The following CAP2 variants were observed in gnomAD, a reference collection of about 807,000 sequenced individuals.
CAP2 encodes the protein adenylyl cyclase-associated protein 2.
In CAP2, 24 loss-of-function variants were observed where a neutral mutation model predicts 57.7. The observed-to-expected ratio is 0.42, with a 90% CI of 0.30 to 0.58. The LOEUF is 0.58. Among genes scored for constraint, CAP2 ranks in the 20% least tolerant of loss-of-function variants. The pLI is 0.22. For synonymous variants in CAP2, 194 were observed against 207.2 expected, an observed-to-expected ratio of 0.94 and a Z score of 0.55; for missense variants, 501 against 590.3, an observed-to-expected ratio of 0.85 and a Z score of 1.57.
chr6:17,451,738 G>A (rs1259842113), intron 3 of CAP2, among the ~76,000 whole-genome samples: 1 of 152,088 alleles, frequency 6.6e-6, no homozygotes, highest in Non-Finnish European at 1.5e-5. Flanking sequence ...TCAAACTCCT[G>A]ACCGCAGGTG....
chr6:17,512,636 C>T (rs184955981), intron 6 of CAP2, among the ~76,000 whole-genome samples: 2 of 152,114 alleles, frequency 1.3e-5, no homozygotes, highest in Non-Finnish European at 2.9e-5. Flanking sequence ...CAAGAGAGAC[C>T]GTTGGAGCTA....
intron 12 of CAP2, 81 bp downstream of exon 12, chr6:17,551,685 C>T: frequency 2.8e-6 from 3 of 1,078,792 alleles, no homozygotes; most frequent in Non-Finnish European, 4.0e-6. Flanking sequence ...TAATCAGCTA[C>T]CAACCTGCGA....
At position 17,413,568 on chromosome 6, in the gene CAP2, CTGAT is replaced by C. The variant is rs759854750; in HGVS notation, c.-1-7983_-1-7980del. Among the ~76,000 whole-genome samples the C allele has an allele frequency of 5.9e-5, 9 of 152,206 alleles. No homozygotes were observed. In the East Asian group the frequency reaches 1.2e-3, roughly 20 times the overall value. On this transcript the variant is annotated intron_variant, in intron 1 of 12. Transcript: ENST00000229922. Reference sequence around the variant, plus strand: ...GTGCCTAGTAGACAGTGGGAACTGACTGATTGAGTGAATGAAACAAACATATTCA... The same window carrying C: ...GTGCCTAGTAGACAGTGGGAACTGACTGAGTGAATGAAACAAACATATTCA...
intron 4 of CAP2, among the ~76,000 whole-genome samples, chr6:17,506,656 C>G (rs565845876): frequency 6.6e-6 from 1 of 150,678 alleles, no homozygotes; most frequent in Non-Finnish European, 1.5e-5. Context: ...AAAAGGGTTG[C>G]GGGGGAGGCC....
At chr6:17,408,818 C>T (rs146120178) in intron 1 of CAP2, among the ~76,000 whole-genome samples, 2 of 151,396 alleles carry the variant, frequency 1.3e-5, no homozygotes, top group South Asian at 2.1e-4. Context: ...TGCAGGCGCC[C>T]GCCACCATGC....
chr6:17,428,859 G>C (rs954598620), intron 3 of CAP2, among the ~76,000 whole-genome samples: 10 of 152,032 alleles, frequency 6.6e-5, no homozygotes, highest in Non-Finnish European at 1.3e-4. Flanking sequence ...CCCAACACCA[G>C]TCTCCCAGGG....
intron 7 of CAP2, chr6:17,531,496 CT>C: frequency 6.7e-7 from 1 of 1,486,986 alleles, no homozygotes; most frequent in Non-Finnish European, 9.3e-7. Context: ...CATAGATAAG[CT>C]TCTTCCTTGC....
intron 4 of CAP2, among the ~76,000 whole-genome samples, chr6:17,500,438 G>A (rs528411528): frequency 7.3e-6 from 1 of 137,394 alleles, no homozygotes; most frequent in South Asian, 2.3e-4. Flanking sequence ...GCACGATCTC[G>A]GCTTACTGCA....
chr6:17,556,244 T>A, intron 12 of CAP2, 115 bp from the exon 13 acceptor site: 1 of 720,204 alleles, frequency 1.4e-6, no homozygotes, highest in East Asian at 2.6e-5. Context: ...TCGATCGAAT[T>A]TCTTTGCCTA....
At chr6:17,518,231 C>T (rs1762313656) in intron 7 of CAP2, among the ~76,000 whole-genome samples, 2 of 152,066 alleles carry the variant, frequency 1.3e-5, no homozygotes, top group African/African-American at 4.8e-5. Context: ...GTTTGGGCAG[C>T]TATTAAAAAG....
chr6:17,418,613 G>C (rs1759349365), intron 1 of CAP2, among the ~76,000 whole-genome samples: 1 of 152,202 alleles, frequency 6.6e-6, no homozygotes. Flanking sequence ...TCTGTGAGCT[G>C]CTGGAGGTGG....
chr6:17,508,978 A>T (rs1344011905), intron 6 of CAP2, among the ~76,000 whole-genome samples: 3 of 151,938 alleles, frequency 2.0e-5, no homozygotes, highest in African/African-American at 7.3e-5. Flanking sequence ...GATGGTCTCA[A>T]TCTCTTGACC....
intron 4 of CAP2, among the ~76,000 whole-genome samples, chr6:17,502,686 C>T (rs781370487): frequency 6.6e-6 from 1 of 152,064 alleles, no homozygotes; most frequent in Non-Finnish European, 1.5e-5. Flanking sequence ...ACAAAGATGG[C>T]CTTAATAAAT....
At chr6:17,548,583 T>G (rs1475800377) in intron 11 of CAP2, among the ~76,000 whole-genome samples, 3 of 152,164 alleles carry the variant, frequency 2.0e-5, no homozygotes, top group Non-Finnish European at 4.4e-5. Context: ...AATGTGAGTT[T>G]AATGAAATTC....
At position 17,449,135 on chromosome 6, in the gene CAP2, T is replaced by C. The variant is rs148893146; in HGVS notation, c.223-13861T>C. Among the ~76,000 whole-genome samples, 50 of 152,294 alleles carry C rather than the reference T, an allele frequency of 3.3e-4. 1 individual carries two copies. In the East Asian group the frequency reaches 8.1e-3, roughly 25 times the overall value. Reference sequence around the variant, plus strand: ...CGTAATTGATTCAAACAATCAAAATTATATGTAGATGAAGTAATGTATGTA... The same window carrying C: ...CGTAATTGATTCAAACAATCAAAATCATATGTAGATGAAGTAATGTATGTA... On this transcript the variant is annotated intron_variant, in intron 3 of 12. Coordinates refer to ENST00000229922, the MANE Select transcript of CAP2 (RefSeq NM_006366.3).
chr6:17,449,445 T>C (rs1026951239), intron 3 of CAP2, among the ~76,000 whole-genome samples: 8 of 152,172 alleles, frequency 5.3e-5, no homozygotes, highest in Non-Finnish European at 1.2e-4. Flanking sequence ...TCATTCTTGT[T>C]GCCCAGGCTG....
At chr6:17,520,244 G>C (rs1474094640) in intron 7 of CAP2, among the ~76,000 whole-genome samples, 1 of 151,988 alleles carries the variant, frequency 6.6e-6, no homozygotes, top group Non-Finnish European at 1.5e-5. Context: ...AGTAGCTGAG[G>C]CTACAGGCGT....
intron 1 of CAP2, among the ~76,000 whole-genome samples, chr6:17,410,239 CCT>C (rs1246575884): frequency 6.6e-6 from 1 of 152,182 alleles, no homozygotes; most frequent in Non-Finnish European, 1.5e-5. Context: ...TCCCTGCACA[CCT>C]CTGTTACAGT....
intron 3 of CAP2, among the ~76,000 whole-genome samples, chr6:17,458,897 A>AAAAAG (rs1430576363): frequency 6.6e-6 from 1 of 151,902 alleles, no homozygotes; most frequent in African/African-American, 2.4e-5. Context: ...AAAAAAAAAA[A>AAAAAG]AAAAGAAAGA....
Sources: gnomAD v4.1 joint callset for allele counts (sites outside exome capture counted in the v4.1 genomes callset) on GRCh38, gnomAD v4.1.1 for gene constraint, MANE v1.5 for transcripts, NCBI Gene and HGNC (gene_info 2026-07-23, HGNC 2026-07-21) for gene names.